ART3: variants seen among roughly 807,000 people sequenced by gnomAD.
ART3 encodes ecto-ADP-ribosyltransferase 3.
A neutral mutation model predicts 48.5 loss-of-function variants in ART3; 49 were observed. That is an observed-to-expected ratio of 1.01 (90% confidence interval 0.80 to 1.28). The LOEUF (loss-of-function observed/expected upper bound fraction) is 1.28, where lower values mean the gene tolerates loss of function less well. Ranked by LOEUF, ART3 falls within the 50% of genes most tolerant of loss-of-function variation. ART3 has a pLI of 0.00. For synonymous variants in ART3, 145 were observed against 157.2 expected (o/e 0.92, Z 0.58); for missense variants, 438 against 454.3 (o/e 0.96, Z 0.33).
intron 1 of ART3, among the ~76,000 whole-genome samples, chr4:76,056,171 C>G (rs1380894851): frequency 6.6e-6 from 1 of 152,198 alleles, no homozygotes; most frequent in Non-Finnish European, 1.5e-5. Flanking sequence ...AGCTTTTGTT[C>G]TAAATTATTT....
chr4:76,026,759 A>C (rs1264515499), intron 1 of ART3, among the ~76,000 whole-genome samples: 1 of 152,266 alleles, frequency 6.6e-6, no homozygotes, highest in African/African-American at 2.4e-5. Context: ...TCCTCAGTGC[A>C]TATCATGTAT....
intron 8 of ART3, among the ~76,000 whole-genome samples, chr4:76,103,718 C>G (rs192123042): frequency 3.4e-4 from 52 of 151,988 alleles, no homozygotes; most frequent in Non-Finnish European, 1.2e-4. Context: ...CGGGTTAGAT[C>G]GTGGAAGTTC....
At position 76,064,934 on chromosome 4, in the gene ART3, C is replaced by T. The variant is rs568339180; in HGVS notation, c.-9-10947C>T. ...GCAACCTCCACCTTCCAGGTTCAAG[C>T]GATTCTCCTGCCTCAGCGTCCTGAG... is the stretch of plus-strand genomic sequence containing the variant. On this transcript the variant is annotated intron_variant, in intron 1 of 9. Transcript: ENST00000341029. Among the ~76,000 whole-genome samples, 14 of 151,866 alleles carry T rather than the reference C, an allele frequency of 9.2e-5. No homozygotes were observed. The South Asian group carries it at 1.3e-3, about 14-fold the overall frequency.
At chr4:76,049,390 C>T (rs576044428) in intron 1 of ART3, among the ~76,000 whole-genome samples, 141 of 151,950 alleles carry the variant, frequency 9.3e-4, no homozygotes, top group African/African-American at 3.2e-3. Flanking sequence ...GAGTGCCGCT[C>T]ATGGCCGCAG....
chr4:76,072,002 C>A (rs1720366162), upstream of ART3, among the ~76,000 whole-genome samples: 1 of 152,152 alleles, frequency 6.6e-6, no homozygotes, highest in Non-Finnish European at 1.5e-5. Flanking sequence ...CTGTAATCTG[C>A]AACTCCTGGG....
At chr4:76,027,189 G>A (rs1733467800) in intron 1 of ART3, among the ~76,000 whole-genome samples, 1 of 152,162 alleles carries the variant, frequency 6.6e-6, no homozygotes, top group Non-Finnish European at 1.5e-5. Flanking sequence ...GGAGACGGAG[G>A]TTGCAGTGAG....
chr4:76,014,336 A>G (rs1454047911), intron 1 of ART3, among the ~76,000 whole-genome samples: 1 of 152,174 alleles, frequency 6.6e-6, no homozygotes, highest in Non-Finnish European at 1.5e-5. Flanking sequence ...GAATATTAAT[A>G]AAGGGGTAGA....
At chr4:76,062,252 A>G (rs1719285816) in intron 1 of ART3, among the ~76,000 whole-genome samples, 2 of 152,250 alleles carry the variant, frequency 1.3e-5, no homozygotes, top group South Asian at 4.1e-4. Context: ...GTAAGCTTAC[A>G]TTAAAAAGCA....
rs111391305 is a variant in ART3, at chr4:76,112,506, T to C, written c.1157T>C (p.Phe386Ser). ...ATCAGTGTTTCTGCTATAAATCTCT[T>C]TGTTGCTCTGTAGTTTGATGCATTG... ...ILISVSAINL[F>S]VAL Residue 386 changes from phenylalanine (F) to serine (S), a missense_variant, in exon 12 of 12, where the codon TTT becomes TCT. Physicochemically the swap from Phe to Ser is radical, Grantham distance 155. This residue lies in a region of ART3 where 227 missense variants were observed against 229.6 expected (regional missense o/e 0.99). Transcript: ENST00000355810. 1,211 of 1,613,604 alleles carry C rather than the reference T, an allele frequency of 7.5e-4. 10 individuals carry two copies. In the African/African-American group the frequency reaches 0.014, roughly 18 times the overall value.
rs527838946 is a variant in ART3 at position 76,112,606 on chromosome 4, C to T, written c.*87C>T. 172 of 1,392,538 alleles carry T rather than the reference C, an allele frequency of 1.2e-4. No homozygotes were observed. The African/African-American group carries it at 2.3e-3, about 19-fold the overall frequency. The allele number at this position is 1,392,538 out of a possible 1,614,324, so 86.3% of individuals were successfully genotyped here. A position where few individuals can be genotyped will look rare whatever the true frequency, so the allele number is the denominator to read the frequency against. On this transcript the variant is annotated 3_prime_UTR_variant, in exon 12 of 12. Transcript: ENST00000355810. Reference sequence around the variant, plus strand: ...ATCAAAAGGAATGATGTATTTTTTACGTGTTGGCCAAAGTCACTGGATAAA... The same window carrying T: ...ATCAAAAGGAATGATGTATTTTTTATGTGTTGGCCAAAGTCACTGGATAAA...
chr4:76,097,597 T>C, intron 3 of ART3, 47 bp from the exon 4 acceptor site: 1 of 1,459,534 alleles, frequency 6.9e-7, no homozygotes, highest in Non-Finnish European at 9.6e-7. Context: ...AAATATTTAC[T>C]AGGGTATATT....
At chr4:76,053,896 TGTG>T (rs1434299188) in intron 1 of ART3, among the ~76,000 whole-genome samples, 1 of 152,240 alleles carries the variant, frequency 6.6e-6, no homozygotes, top group East Asian at 1.9e-4. Flanking sequence ...AAAGCAGCTC[TGTG>T]CATGGCCTTT....
At chr4:76,051,502 G>T (rs1736084825) in intron 1 of ART3, among the ~76,000 whole-genome samples, 2 of 152,162 alleles carry the variant, frequency 1.3e-5, no homozygotes, top group Non-Finnish European at 2.9e-5. Flanking sequence ...GAGGAATAAT[G>T]CATGTTTTAA....
intron 8 of ART3, among the ~76,000 whole-genome samples, 182 bp from the exon 9 acceptor site, chr4:76,103,755 C>G (rs1727845286): frequency 6.6e-6 from 1 of 151,692 alleles, no homozygotes; most frequent in African/African-American, 2.4e-5. Context: ...GGAGTTTGGA[C>G]TCTGTCACAT....
chr4:76,105,763 TC>T, intron 10 of ART3: 1 of 985,352 alleles, frequency 1.0e-6, no homozygotes, highest in Non-Finnish European at 1.2e-6. Flanking sequence ...GGGCCAAACA[TC>T]AAAAAAGGCA....
chr4:76,092,406 C>G (rs757212010), intron 3 of ART3, among the ~76,000 whole-genome samples: 28 of 152,080 alleles, frequency 1.8e-4, no homozygotes, highest in Non-Finnish European at 3.7e-4. Flanking sequence ...GTATAGAATT[C>G]TAGATTGATC....
intron 1 of ART3, among the ~76,000 whole-genome samples, chr4:76,048,623 A>G (rs1735741721): frequency 6.6e-6 from 1 of 151,958 alleles, no homozygotes; most frequent in Non-Finnish European, 1.5e-5. Flanking sequence ...AACCCGCAAC[A>G]GTCTCTGGAC....
intron 1 of ART3, among the ~76,000 whole-genome samples, chr4:76,053,718 G>C (rs1304850209): frequency 6.6e-6 from 1 of 152,200 alleles, no homozygotes; most frequent in Admixed American, 6.5e-5. Context: ...AAGTAGAAAT[G>C]ATCAAGTTCT....
intron 3 of ART3, among the ~76,000 whole-genome samples, chr4:76,084,610 T>G (rs888151332): frequency 1.3e-5 from 2 of 152,206 alleles, no homozygotes; most frequent in African/African-American, 4.8e-5. Flanking sequence ...TTTTATGGTG[T>G]TGTGCCTTAG....
Sources: allele counts gnomAD v4.1 joint callset (sites outside exome capture counted in the v4.1 genomes callset), GRCh38; gene constraint gnomAD v4.1.1; regional missense constraint gnomAD v4.1.1; transcripts MANE v1.5; gene names NCBI Gene and HGNC (gene_info 2026-07-23, HGNC 2026-07-21).